Variants in CERS6 observed in about 807,000 individuals in gnomAD.
The protein encoded by CERS6 is ceramide synthase 6, also known as LAG1 homolog, ceramide synthase 6.
Under a neutral mutation model 56.8 loss-of-function variants are expected in CERS6, and 26 were observed. That is an observed-to-expected ratio of 0.46 (90% confidence interval 0.34 to 0.63). The LOEUF is 0.63. CERS6 is among the 30% of genes least tolerant of loss of function. The pLI is 0.01. For synonymous variants in CERS6, 164 were observed against 173.3 expected, an observed-to-expected ratio of 0.95 and a Z score of 0.42; for missense variants, 415 against 467.5, an observed-to-expected ratio of 0.89 and a Z score of 1.04.
chr2:168,503,663 T>A (rs1694624049), intron 1 of CERS6, among the ~76,000 whole-genome samples: 1 of 152,178 alleles, frequency 6.6e-6, no homozygotes, highest in Non-Finnish European at 1.5e-5. Context: ...CCTGTGGGGC[T>A]GAGTTAGGGC....
At chr2:168,754,743 G>A (rs74455890) in intron 8 of CERS6, among the ~76,000 whole-genome samples, 22 of 152,282 alleles carry the variant, frequency 1.4e-4, no homozygotes, top group Non-Finnish European at 2.8e-4. Context: ...GCTAAAAATT[G>A]TTTGAAGACT....
chr2:168,675,202 G>A (rs944775291), intron 4 of CERS6, among the ~76,000 whole-genome samples: 8 of 152,076 alleles, frequency 5.3e-5, no homozygotes, highest in African/African-American at 1.9e-4. Context: ...TCGATCTCCT[G>A]ACCTTGTGAT....
In CERS6 at chr2:168,769,518, G is replaced by A; in HGVS notation, c.1011G>A (p.Lys337=). The change falls in exon 10 of 10, where the codon AAG becomes AAA. Residue 337 remains lysine, a synonymous_variant. Coordinates refer to ENST00000305747, the MANE Select transcript of CERS6 (RefSeq NM_203463.3). ...CTGCTTCTACTCCACAGGTGTCCAA[G>A]GATGATCGAAGTGATATTGAGTCTA... ...CKAVSRGKVS[K]DDRSDIESSS... is the part of the protein sequence containing the mutation. 6.3e-7 allele frequency: 1 copy of A among 1,599,050 alleles called. No individual in the cohort carries two copies. The highest frequency in any genetic ancestry group is 8.5e-7 in the Non-Finnish European group (1 of 1,175,356).
At chr2:168,750,925 G>A (rs1574219399) in intron 8 of CERS6, among the ~76,000 whole-genome samples, 1 of 152,328 alleles carries the variant, frequency 6.6e-6, no homozygotes. Flanking sequence ...GTTCCTGGAA[G>A]TGTTGGGCAT....
At chr2:168,658,436 G>A (rs1329764696) in intron 4 of CERS6, among the ~76,000 whole-genome samples, 1 of 152,154 alleles carries the variant, frequency 6.6e-6, no homozygotes, top group Non-Finnish European at 1.5e-5. Flanking sequence ...ATTCTCTTTA[G>A]ATTGTAGGTG....
At chr2:168,580,045 T>A (rs1455981112) in intron 3 of CERS6, among the ~76,000 whole-genome samples, 4 of 152,224 alleles carry the variant, frequency 2.6e-5, no homozygotes, top group African/African-American at 9.6e-5. Context: ...TTGACTCACA[T>A]CCTTGCCATT....
intron 2 of CERS6, among the ~76,000 whole-genome samples, chr2:168,549,600 A>G (rs1285585650): frequency 6.6e-6 from 1 of 152,196 alleles, no homozygotes; most frequent in Non-Finnish European, 1.5e-5. Flanking sequence ...ACGCCACTGC[A>G]CTCCAGCCTG....
chr2:168,675,579 C>A (rs7422717), intron 4 of CERS6, among the ~76,000 whole-genome samples: 1 of 152,048 alleles, frequency 6.6e-6, no homozygotes, highest in African/African-American at 2.4e-5. Context: ...GAGCGAGACC[C>A]TGTCTCAAAA....
rs555242978 is a variant in CERS6 at position 168,528,420 on chromosome 2, C to T, written c.171-19176C>T. On this transcript the variant is annotated intron_variant, in intron 1 of 9. Transcript: ENST00000305747. ...CTAGGGCTGGTGGCTGTTCCTACCT[C>T]CTCTGTGACATCTCAGGGTTTCCTT... Among the ~76,000 whole-genome samples, 96 of 152,336 alleles carry T rather than the reference C, an allele frequency of 6.3e-4. 1 individual carries two copies. Among genetic ancestry groups the T allele is most frequent in the Non-Finnish European group, 3.4e-4 (23 of 68,024 alleles).
intron 4 of CERS6, among the ~76,000 whole-genome samples, chr2:168,644,602 G>A (rs1401001977): frequency 3.3e-5 from 5 of 152,226 alleles, no homozygotes; most frequent in African/African-American, 1.2e-4. Flanking sequence ...CCTGGCATTG[G>A]TCCACATGCA....
At chr2:168,598,183 CCTT>C (rs1683847307) in intron 3 of CERS6, among the ~76,000 whole-genome samples, 1 of 152,194 alleles carries the variant, frequency 6.6e-6, no homozygotes, top group South Asian at 2.1e-4. Context: ...CATCAGCTGA[CCTT>C]CTTGAGCATC....
intron 1 of CERS6, among the ~76,000 whole-genome samples, chr2:168,458,606 T>C (rs1373493834): frequency 3.3e-5 from 5 of 152,362 alleles, no homozygotes; most frequent in South Asian, 2.1e-4. Context: ...TGTCCTCATA[T>C]TGATATAAAG....
At chr2:168,758,027 A>G (rs1049687621) in intron 8 of CERS6, among the ~76,000 whole-genome samples, 5 of 152,164 alleles carry the variant, frequency 3.3e-5, no homozygotes, top group African/African-American at 9.7e-5. Flanking sequence ...TCATGACTTA[A>G]TTACCCGACT....
At chr2:168,744,371 C>CT (rs34015584) in intron 8 of CERS6, among the ~76,000 whole-genome samples, 152 of 149,160 alleles carry the variant, frequency 1.0e-3, no homozygotes, top group Non-Finnish European at 1.6e-3. Context: ...ATAAGTACAC[C>CT]TTTTTTTTTT....
At chr2:168,642,650 G>A (rs1427343972) in intron 4 of CERS6, among the ~76,000 whole-genome samples, 1 of 152,180 alleles carries the variant, frequency 6.6e-6, no homozygotes, top group Non-Finnish European at 1.5e-5. Flanking sequence ...CCCTGGCACA[G>A]CACAAGCTTT....
intron 1 of CERS6, among the ~76,000 whole-genome samples, chr2:168,489,746 G>T (rs1349157118): frequency 1.3e-5 from 2 of 151,912 alleles, no homozygotes; most frequent in Non-Finnish European, 2.9e-5. Flanking sequence ...TTTCTGTTGA[G>T]AACTTCTGTC....
chr2:168,564,399 TTA>T (rs1695847407), intron 3 of CERS6, among the ~76,000 whole-genome samples: 1 of 152,204 alleles, frequency 6.6e-6, no homozygotes, highest in Non-Finnish European at 1.5e-5. Context: ...ATATGTCTCC[TTA>T]TTTTTTTTAT....
intron 8 of CERS6, among the ~76,000 whole-genome samples, chr2:168,739,931 A>G (rs62175678): frequency 0.13 from 19,695 of 151,926 alleles, 1,712 homozygotes; most frequent in East Asian, 0.43. Flanking sequence ...GCTGGTCTCG[A>G]ACTCCTGACC....
intron 1 of CERS6, among the ~76,000 whole-genome samples, chr2:168,543,355 G>A (rs375965879): frequency 2.0e-5 from 3 of 151,888 alleles, no homozygotes; most frequent in East Asian, 1.9e-4. Flanking sequence ...TACATTTGTC[G>A]ATGTGTTACC....
Sources: allele counts gnomAD v4.1 joint callset (sites outside exome capture counted in the v4.1 genomes callset), GRCh38; gene constraint gnomAD v4.1.1; transcripts MANE v1.5; gene names NCBI Gene and HGNC (gene_info 2026-07-23, HGNC 2026-07-21).